MGA: variants seen among roughly 807,000 people sequenced by gnomAD.
MGA encodes MAX gene-associated protein.
MGA carries 40 observed loss-of-function variants against 261.1 expected under a neutral mutation model. That is an observed-to-expected ratio of 0.15 (90% CI 0.12 to 0.20). MGA has a LOEUF of 0.20. Ranked by LOEUF, MGA falls within the 10% of genes least tolerant of loss-of-function variation. The probability of loss-of-function intolerance (pLI) is 1.00; values close to 1 mark genes in which losing one functional copy is unlikely to be tolerated. For synonymous variants in MGA, 1,302 were observed against 1,290.6 expected (o/e 1.01, Z -0.19); for missense variants, 3,397 against 3,630.5 (o/e 0.94, Z 1.65).
chr15:41,686,212 T>C (rs1343738461), intron 2 of MGA, among the ~76,000 whole-genome samples: 4 of 151,778 alleles, frequency 2.6e-5, no homozygotes, highest in Non-Finnish European at 5.9e-5. Flanking sequence ...CCCAGTACTG[T>C]GTTGAAAATA....
At chr15:41,628,367 C>CA (rs936932982) in intron 1 of MGA, among the ~76,000 whole-genome samples, 4,530 of 46,160 alleles carry the variant, frequency 0.098, 463 homozygotes, top group African/African-American at 0.26. Context: ...ACTCTGTATC[C>CA]AAAAAAAAAA....
At chr15:41,661,930 C>T (rs1226284544) in intron 1 of MGA, among the ~76,000 whole-genome samples, 1 of 152,086 alleles carries the variant, frequency 6.6e-6, no homozygotes, top group African/African-American at 2.4e-5. Flanking sequence ...CGTGATCTGT[C>T]GGGACTCTTC....
At chr15:41,756,282 G>T (rs1052260397) in intron 18 of MGA, among the ~76,000 whole-genome samples, 1 of 152,146 alleles carries the variant, frequency 6.6e-6, no homozygotes, top group African/African-American at 2.4e-5. Context: ...GACAGAAGAA[G>T]AAGAAACCTA....
intron 1 of MGA, among the ~76,000 whole-genome samples, chr15:41,652,803 G>A (rs890026188): frequency 2.0e-4 from 30 of 151,974 alleles, no homozygotes; most frequent in Admixed American, 2.0e-3. Context: ...CAGGGGACTT[G>A]TTTTTATTTA....
upstream of MGA, among the ~76,000 whole-genome samples, chr15:41,658,825 C>T (rs538705794): frequency 4.5e-4 from 68 of 151,974 alleles, no homozygotes; most frequent in South Asian, 0.011. Context: ...CTCACAGATC[C>T]CCCAGTTAGA....
intron 11 of MGA, 72 bp from the exon 12 acceptor site, chr15:41,734,450 C>A: frequency 1.7e-6 from 2 of 1,189,318 alleles, no homozygotes; most frequent in Non-Finnish European, 2.4e-6. Flanking sequence ...AGATTTAATG[C>A]TTGTGTCCAA....
chr15:41,763,289 G>A (rs929529739), intron 22 of MGA, among the ~76,000 whole-genome samples: 3 of 150,626 alleles, frequency 2.0e-5, no homozygotes, highest in Non-Finnish European at 1.5e-5. Context: ...TTTTAGTAGA[G>A]ACGGGGTTTC....
At chr15:41,647,070 T>A (rs1258377124) in intron 1 of MGA, among the ~76,000 whole-genome samples, 1 of 152,248 alleles carries the variant, frequency 6.6e-6, no homozygotes, top group African/African-American at 2.4e-5. Flanking sequence ...GGCTATTTTC[T>A]AGCTTGGCTC....
In MGA at chr15:41,729,190, C is replaced by T. The variant is rs1478256028; in HGVS notation, c.3684C>T (p.Val1228=). ...TTCGGGAAGAGGACAAAGATCCAGTCTACTTGTACTTTGAAAGTATGATGA... is the reference window on the plus strand; with the variant it reads ...TTCGGGAAGAGGACAAAGATCCAGTTTACTTGTACTTTGAAAGTATGATGA... The change falls in exon 11 of 24, where the codon GTC becomes GTT. Residue 1228 remains valine (V), a synonymous_variant. Coordinates refer to ENST00000219905, the MANE Select transcript of MGA (RefSeq NM_001164273.2). 1 of 1,613,742 alleles carries T rather than the reference C, an allele frequency of 6.2e-7. No homozygotes were observed. Among genetic ancestry groups the T allele is most frequent in the Non-Finnish European group, 8.5e-7 (1 of 1,179,810 alleles).
At chr15:41,746,451 A>G (rs2062477231) in intron 15 of MGA, among the ~76,000 whole-genome samples, 1 of 149,166 alleles carries the variant, frequency 6.7e-6, no homozygotes, top group African/African-American at 2.5e-5. Flanking sequence ...AGGCTGAGGC[A>G]GGAGAATCGC....
chr15:41,733,273 T>C (rs1769560378), intron 11 of MGA, among the ~76,000 whole-genome samples: 1 of 152,052 alleles, frequency 6.6e-6, no homozygotes, highest in Non-Finnish European at 1.5e-5. Context: ...TCTACTTTCT[T>C]AACTTGCTTT....
chr15:41,633,810 C>T (rs1229524318), intron 1 of MGA, among the ~76,000 whole-genome samples: 2 of 152,136 alleles, frequency 1.3e-5, no homozygotes, highest in Non-Finnish European at 2.9e-5. Flanking sequence ...CGTTCCTCTG[C>T]TCAAAACCTT....
intron 1 of MGA, among the ~76,000 whole-genome samples, chr15:41,627,062 A>C (rs967976860): frequency 2.0e-5 from 3 of 152,048 alleles, no homozygotes; most frequent in Non-Finnish European, 4.4e-5. Context: ...GTGCACCACC[A>C]CATCCAGCTA....
chr15:41,752,897 G>A lies in MGA; in HGVS notation c.7009-1540G>A, dbSNP rs1595982948. Among the ~76,000 whole-genome samples, 4 of 152,038 alleles carry A rather than the reference G, an allele frequency of 2.6e-5. No individual in the cohort carries two copies. The South Asian group carries it at 8.3e-4, about 32-fold the overall frequency. ...TCATACAAGGAGGCATTGCTTGAAT[G>A]TACTAATAGGGAATTTGACAAGCAA... On this transcript the variant is annotated intron_variant, in intron 17 of 23. Transcript: ENST00000219905.
At position 41,757,681 on chromosome 15, in the gene MGA, G is replaced by C. The variant is rs558072613; in HGVS notation, c.7140-107G>C. The C allele has an allele frequency of 4.8e-5, 39 of 804,272 alleles. No individual in the cohort carries two copies. The African/African-American group carries it at 5.8e-4, about 12-fold the overall frequency. 49.8% of individuals were successfully genotyped at this position (804,272 alleles called of 1,614,324 possible). A position where few individuals can be genotyped will look rare whatever the true frequency, so the allele number is the denominator to read the frequency against. ...ATAATGTGGCCATATATCACACCTT[G>C]GGAAAAAGAAACTGGTTGTAATTTG... On this transcript the variant is annotated intron_variant, in intron 18 of 23. Coordinates refer to ENST00000219905, the MANE Select transcript of MGA (RefSeq NM_001164273.2).
chr15:41,634,323 C>A (rs779209624), intron 1 of MGA, among the ~76,000 whole-genome samples: 2 of 152,176 alleles, frequency 1.3e-5, no homozygotes, highest in Non-Finnish European at 2.9e-5. Context: ...ACTGCCACAA[C>A]CCTATGCCAT....
At chr15:41,730,953 T>C (rs1008925655) in intron 11 of MGA, among the ~76,000 whole-genome samples, 1 of 152,216 alleles carries the variant, frequency 6.6e-6, no homozygotes, top group Non-Finnish European at 1.5e-5. Flanking sequence ...CATGTATTTG[T>C]GATTATTTTG....
At position 41,749,405 on chromosome 15, in the gene MGA, C is replaced by T; in HGVS notation, c.5798C>T (p.Thr1933Ile). ...AGCTCAGGAGGACAGCCTGTTGGTA[C>T]AGCCAGTCTTATTCCTCTCCAGTCT... Residue 1933 changes from threonine (T) to isoleucine (I), a missense_variant, in exon 17 of 24, where the codon ACA becomes ATA. Coordinates refer to ENST00000219905, the MANE Select transcript of MGA (RefSeq NM_001164273.2). The T allele has an allele frequency of 1.2e-6, 2 of 1,614,036 alleles. No individual in the cohort carries two copies. Among genetic ancestry groups the T allele is most frequent in the Non-Finnish European group, 1.7e-6 (2 of 1,179,898 alleles).
intron 2 of MGA, among the ~76,000 whole-genome samples, chr15:41,690,300 T>C (rs1214270682): frequency 1.3e-5 from 2 of 152,272 alleles, no homozygotes; most frequent in African/African-American, 4.8e-5. Flanking sequence ...CAAATAATAT[T>C]GTGTGGACAT....
Sources: allele counts gnomAD v4.1 joint callset (sites outside exome capture counted in the v4.1 genomes callset), GRCh38; gene constraint gnomAD v4.1.1; transcripts MANE v1.5; gene names NCBI Gene and HGNC (gene_info 2026-07-23, HGNC 2026-07-21).